CPB1: variants seen among roughly 807,000 people sequenced by gnomAD.
CPB1 encodes carboxypeptidase B.
CPB1 carries 53 observed loss-of-function variants against 51.4 expected under a neutral mutation model. The ratio of observed to expected loss-of-function variants is 1.03; its 90% CI spans 0.83 to 1.30. The LOEUF (loss-of-function observed/expected upper bound fraction) is 1.30, where lower values mean the gene tolerates loss of function less well. Among genes scored for constraint, CPB1 ranks in the 50% most tolerant of loss-of-function variants. The probability of loss-of-function intolerance (pLI) is 0.00; values close to 1 mark genes in which losing one functional copy is unlikely to be tolerated. For missense variants in CPB1, 494 were observed against 516.2 expected, an observed-to-expected ratio of 0.96 and a Z score of 0.42; for synonymous variants, 189 against 186.9, an observed-to-expected ratio of 1.01 and a Z score of -0.09.
intron 10 of CPB1, 112 bp downstream of exon 10, chr3:148,857,653 G>T (rs1384769531): frequency 1.9e-4 from 95 of 498,244 alleles, no homozygotes; most frequent in Admixed American, 2.2e-4. Flanking sequence ...TTGCCTCACA[G>T]CAAATTTTTC....
chr3:148,836,678 T>G (rs1712915392), intron 3 of CPB1, among the ~76,000 whole-genome samples: 1 of 152,214 alleles, frequency 6.6e-6, no homozygotes, highest in South Asian at 2.1e-4. Flanking sequence ...AATTTTTGCT[T>G]CGCTGTTCAC....
chr3:148,840,835 A>G, intron 4 of CPB1, 39 bp from the exon 5 acceptor site: 16 of 1,613,700 alleles, frequency 9.9e-6, no homozygotes, highest in Non-Finnish European at 1.3e-5. Flanking sequence ...AATTGAACCA[A>G]GAATGCCACA....
intron 9 of CPB1, among the ~76,000 whole-genome samples, chr3:148,850,172 T>C: frequency 6.6e-6 from 1 of 152,198 alleles, no homozygotes; most frequent in East Asian, 1.9e-4. Flanking sequence ...AGAAGAAATA[T>C]GACAGACTTT....
intron 10 of CPB1, among the ~76,000 whole-genome samples, chr3:148,858,273 A>G (rs1713644440): frequency 6.6e-6 from 1 of 152,162 alleles, no homozygotes; most frequent in South Asian, 2.1e-4. Context: ...GGAGGAAAAT[A>G]TAAGACAGAG....
At chr3:148,833,798 A>G (rs918682748) in intron 2 of CPB1, among the ~76,000 whole-genome samples, 1 of 151,992 alleles carries the variant, frequency 6.6e-6, no homozygotes, top group Non-Finnish European at 1.5e-5. Context: ...CCCCATAAAG[A>G]CAAAGGCCAT....
Position 148,840,794 on chromosome 3 carries a change from T to C in CPB1, c.372+9T>C. 6.2e-7 allele frequency: 1 copy of C among 1,613,888 alleles called. No homozygotes were observed. Among genetic ancestry groups the C allele is most frequent in the Non-Finnish European group, 8.5e-7 (1 of 1,179,778 alleles). Reference sequence around the variant, plus strand: ...ACAACAAGTGGGAAACGGTATGATGTGCACATGATTTAGACAGATATTACT... The same window carrying C: ...ACAACAAGTGGGAAACGGTATGATGCGCACATGATTTAGACAGATATTACT... On this transcript the variant is annotated intron_variant, in intron 4 of 10. Coordinates refer to ENST00000282957, the MANE Select transcript of CPB1 (RefSeq NM_001871.3).
At chr3:148,829,955 C>T (rs1712684512) in intron 2 of CPB1, among the ~76,000 whole-genome samples, 1 of 152,148 alleles carries the variant, frequency 6.6e-6, no homozygotes, top group South Asian at 2.1e-4. Flanking sequence ...GATATCAATG[C>T]AGAGACTTCA....
chr3:148,849,759 C>T (rs1713369073), intron 9 of CPB1, among the ~76,000 whole-genome samples: 1 of 152,218 alleles, frequency 6.6e-6, no homozygotes, highest in African/African-American at 2.4e-5. Flanking sequence ...AATGTTATGC[C>T]TAGAAAAGTC....
At chr3:148,836,375 A>G (rs1050475337) in intron 3 of CPB1, among the ~76,000 whole-genome samples, 1 of 152,228 alleles carries the variant, frequency 6.6e-6, no homozygotes, top group Admixed American at 6.5e-5. Context: ...TGAAAAGGAC[A>G]GCTAAAATTC....
chr3:148,836,849 C>A (rs1324327202), intron 3 of CPB1, among the ~76,000 whole-genome samples: 5 of 152,098 alleles, frequency 3.3e-5, no homozygotes. Flanking sequence ...AGACGATTTC[C>A]TGCTGGCAAA....
intron 9 of CPB1, among the ~76,000 whole-genome samples, chr3:148,850,562 G>A (rs566567341): frequency 2.4e-4 from 37 of 152,208 alleles, no homozygotes; most frequent in African/African-American, 8.4e-4. Flanking sequence ...TCAGCCTCCC[G>A]AAGTGCTGGG....
intron 9 of CPB1, among the ~76,000 whole-genome samples, chr3:148,846,209 A>G (rs1348589332): frequency 1.3e-5 from 2 of 152,194 alleles, no homozygotes; most frequent in African/African-American, 2.4e-5. Flanking sequence ...AAATGTAAGA[A>G]TCTCTGACAT....
chr3:148,830,417 C>G (rs1052506132), intron 2 of CPB1, among the ~76,000 whole-genome samples: 5 of 152,112 alleles, frequency 3.3e-5, no homozygotes, highest in African/African-American at 1.2e-4. Context: ...CAAACTTGGA[C>G]ACCTCTCTGG....
At chr3:148,856,454 T>G (rs1011640322) in intron 9 of CPB1, 3 of 152,210 alleles carry the variant, frequency 2.0e-5, no homozygotes, top group Non-Finnish European at 4.4e-5. Context: ...AAAATCATAT[T>G]ATTCTGATTT....
intron 9 of CPB1, among the ~76,000 whole-genome samples, chr3:148,853,109 T>A (rs536037842): frequency 1.3e-5 from 2 of 152,210 alleles, no homozygotes; most frequent in African/African-American, 2.4e-5. Flanking sequence ...ATGTTTCTCT[T>A]ATCACAAATA....
rs145553424 is a variant in CPB1 at position 148,840,880 on chromosome 3, G to A, written c.379G>A (p.Ala127Thr). The A allele has an allele frequency of 1.2e-5, 20 of 1,614,076 alleles. No individual in the cohort carries two copies. The African/African-American group carries it at 2.1e-4, about 17-fold the overall frequency. ...EKYNKWETIEAWTQQVATENP... is the reference protein window; with the variant it reads ...EKYNKWETIETWTQQVATENP... ...AAATGATTCCATTTGGTAGATAGAG[G>A]CTTGGACTCAACAAGTCGCCACTGA... Residue 127 changes from alanine (A) to threonine (T), a missense_variant, in exon 5 of 11, where the codon GCT becomes ACT. Coordinates refer to ENST00000282957, the MANE Select transcript of CPB1 (RefSeq NM_001871.3).
intron 9 of CPB1, among the ~76,000 whole-genome samples, chr3:148,848,845 A>G (rs1301942004): frequency 6.6e-6 from 1 of 152,236 alleles, no homozygotes; most frequent in Non-Finnish European, 1.5e-5. Context: ...AGATATGTTT[A>G]GCAGAGCAGT....
At chr3:148,831,999 T>C (rs1712752315) in intron 2 of CPB1, among the ~76,000 whole-genome samples, 1 of 152,096 alleles carries the variant, frequency 6.6e-6, no homozygotes, top group South Asian at 2.1e-4. Context: ...TCCAGTATAG[T>C]GGGTCTGTGT....
chr3:148,845,437 TCGAAAC>T lies in CPB1; in HGVS notation c.794_799del (p.Arg265_Asn266del). On this transcript the variant is annotated inframe_deletion, in exon 9 of 11. Transcript: ENST00000282957. ...ATGTTTTTCCAGAAATTGGAGCCTC[TCGAAAC>T]CCCTGTGATGAAACTTACTGTGGAC... 6.2e-7 allele frequency: 1 copy of T among 1,613,836 alleles called. No homozygotes were observed. The highest frequency in any genetic ancestry group is 1.7e-5 in the Admixed American group (1 of 60,008).
Sources: gnomAD v4.1 joint callset for allele counts (sites outside exome capture counted in the v4.1 genomes callset) on GRCh38, gnomAD v4.1.1 for gene constraint, MANE v1.5 for transcripts, NCBI Gene and HGNC (gene_info 2026-07-23, HGNC 2026-07-21) for gene names.